TRIM61: variants seen among roughly 807,000 people sequenced by gnomAD.
TRIM61 encodes tripartite motif containing 61.
A neutral mutation model predicts 14.2 loss-of-function variants in TRIM61; 1 was observed. That is an observed-to-expected ratio of 0.07 (90% CI 0.03 to 0.33). The LOEUF is 0.33. Ranked by LOEUF, TRIM61 falls within the 10% of genes least tolerant of loss-of-function variation. The pLI, the probability that TRIM61 is intolerant of heterozygous loss-of-function variation, is 0.99. For synonymous variants in TRIM61, 8 were observed against 71.6 expected, an observed-to-expected ratio of 0.11 and a Z score of 4.49; for missense variants, 19 against 202.2, an observed-to-expected ratio of 0.09 and a Z score of 5.49.
intron 3 of TRIM61, among the ~76,000 whole-genome samples, chr4:164,967,589 CAG>C (rs1732270715): frequency 6.6e-6 from 1 of 151,982 alleles, no homozygotes; most frequent in Non-Finnish European, 1.5e-5. Flanking sequence ...GTGTGTGTGG[CAG>C]AGGAGGATGT....
chr4:164,975,965 T>C (rs912621939), intron 2 of TRIM61, among the ~76,000 whole-genome samples: 1 of 152,180 alleles, frequency 6.6e-6, no homozygotes, highest in Admixed American at 6.5e-5. Context: ...AACCGCCCTA[T>C]GGTGGGAGGC....
At chr4:164,961,950 T>C (rs1186770242) in intron 3 of TRIM61, among the ~76,000 whole-genome samples, 5 of 152,214 alleles carry the variant, frequency 3.3e-5, no homozygotes, top group Admixed American at 3.3e-4. Flanking sequence ...GTAAGCTACA[T>C]AGTACAGCTG....
chr4:164,973,230 C>T (rs1306566305), intron 2 of TRIM61, among the ~76,000 whole-genome samples: 1 of 152,116 alleles, frequency 6.6e-6, no homozygotes, highest in Non-Finnish European at 1.5e-5. Flanking sequence ...AGCTATTATC[C>T]TCAATTAGAG....
chr4:164,958,153 T>C (rs1031567012), intron 3 of TRIM61: 2 of 167,078 alleles, frequency 1.2e-5, no homozygotes, highest in Admixed American at 1.3e-4. Context: ...ATAATAGAGT[T>C]GTTTGTTAGA....
At chr4:164,968,896 G>A in intron 3 of TRIM61, 2 of 990,322 alleles carry the variant, frequency 2.0e-6, no homozygotes, top group Non-Finnish European at 2.4e-6. Context: ...TGGGAAGACA[G>A]TCATTACAGA....
intron 3 of TRIM61, among the ~76,000 whole-genome samples, chr4:164,956,240 A>AT (rs1315123808): frequency 8.5e-5 from 13 of 152,064 alleles, no homozygotes; most frequent in African/African-American, 2.9e-4. Flanking sequence ...TAATTTTTGT[A>AT]TTTTTTGTAC....
chr4:164,957,183 A>G (rs3733418), intron 3 of TRIM61: 285,424 of 1,612,466 alleles, frequency 0.18, 32,044 homozygotes, highest in East Asian at 0.6. Flanking sequence ...GGCGGCCGCC[A>G]TGGCAGTGTC....
intron 3 of TRIM61, among the ~76,000 whole-genome samples, chr4:164,960,889 CGTA>C (rs2111135141): frequency 6.6e-6 from 1 of 151,496 alleles, no homozygotes; most frequent in Non-Finnish European, 1.5e-5. Context: ...AAGCGGAGGT[CGTA>C]GTGAGCCAAG....
intron 3 of TRIM61, among the ~76,000 whole-genome samples, chr4:164,960,197 A>G (rs900706998): frequency 2.0e-5 from 3 of 151,972 alleles, no homozygotes; most frequent in African/African-American, 4.8e-5. Flanking sequence ...GAACAAACCA[A>G]TCCTGCCAAC....
At chr4:164,960,304 C>T (rs183990935) in intron 3 of TRIM61, among the ~76,000 whole-genome samples, 1 of 151,886 alleles carries the variant, frequency 6.6e-6, no homozygotes, top group South Asian at 2.1e-4. Flanking sequence ...CATCACTTTT[C>T]GAGGCCGAGG....
In TRIM61 at chr4:164,954,983, C is replaced by T. The variant is rs1167728858; in HGVS notation, c.*9G>A. The T allele has an allele frequency of 3.3e-6, 1 of 307,132 alleles. No individual in the cohort carries two copies. Among genetic ancestry groups the T allele is most frequent in the Non-Finnish European group, 6.7e-6 (1 of 150,226 alleles). The allele number at this position is 307,132 out of a possible 1,614,324, so 19.0% of individuals were successfully genotyped here. A position where few individuals can be genotyped will look rare whatever the true frequency, so the allele number is the denominator to read the frequency against. ...GGGCATGGTGGAGGGCACCTGTAGT[C>T]CCAGCTACTCAGGAGCCAGAGGCAG... On this transcript the variant is annotated 3_prime_UTR_variant, in exon 4 of 5. Coordinates refer to ENST00000329314, the MANE Select transcript of TRIM61 (RefSeq NM_001012414.3).
chr4:164,963,364 A>G (rs969973283), intron 3 of TRIM61, among the ~76,000 whole-genome samples: 4 of 152,198 alleles, frequency 2.6e-5, no homozygotes, highest in African/African-American at 9.7e-5. Flanking sequence ...GAGAACGCAA[A>G]ATAAGCATTC....
chr4:164,961,832 T>C (rs1156570946), intron 3 of TRIM61, among the ~76,000 whole-genome samples: 4 of 152,222 alleles, frequency 2.6e-5, no homozygotes, highest in Admixed American at 1.3e-4. Flanking sequence ...ACGTTAACTA[T>C]AGGAATATGG....
chr4:164,961,358 C>T (rs1208906943), intron 3 of TRIM61, among the ~76,000 whole-genome samples: 1 of 151,528 alleles, frequency 6.6e-6, no homozygotes, highest in African/African-American at 2.4e-5. Flanking sequence ...CTTCAATGGG[C>T]TCATTAGTAC....
At chr4:164,973,275 C>A (rs1288952658) in intron 2 of TRIM61, among the ~76,000 whole-genome samples, 1 of 152,204 alleles carries the variant, frequency 6.6e-6, no homozygotes, top group Non-Finnish European at 1.5e-5. Context: ...GCGGAGTCTA[C>A]AAGAATTTGA....
chr4:164,954,702 C>T lies in TRIM61; in HGVS notation c.*83G>A, dbSNP rs1315521996. On this transcript the variant is annotated 3_prime_UTR_variant, in exon 5 of 5. Transcript: ENST00000329314. The stretch of plus-strand genomic sequence containing the variant: ...TGGCAGCATGGCTATAATCCCAGCA[C>T]TTTGGGAGGTCAAGGCAGGAAGATC... 6.5e-6 allele frequency: 1 copy of T among 153,178 alleles called. No homozygotes were observed. The highest frequency in any genetic ancestry group is 2.4e-5 in the African/African-American group (1 of 41,446). The allele number at this position is 153,178 out of a possible 1,614,324, so 9.5% of individuals were successfully genotyped here. A position where few individuals can be genotyped will look rare whatever the true frequency, so the allele number is the denominator to read the frequency against.
At chr4:164,977,059 T>G (rs1732497839) in intron 1 of TRIM61, among the ~76,000 whole-genome samples, 1 of 152,158 alleles carries the variant, frequency 6.6e-6, no homozygotes, top group Non-Finnish European at 1.5e-5. Context: ...TCAACCATCA[T>G]CATACTGGCT....
At chr4:164,975,196 C>T (rs991269961) in intron 2 of TRIM61, among the ~76,000 whole-genome samples, 3 of 150,682 alleles carry the variant, frequency 2.0e-5, no homozygotes, top group African/African-American at 7.3e-5. Flanking sequence ...CGCCATTGCA[C>T]TCCAGCCTGG....
rs1256368910 is a variant in TRIM61, at chr4:164,957,354, TGCCA to T, written c.526-2262_526-2259del. 7 of 1,613,776 alleles carry T rather than the reference TGCCA, an allele frequency of 4.3e-6. No homozygotes were observed. The East Asian group carries it at 1.3e-4, about 31-fold the overall frequency. ...ATTCCGGCTGTCACGCCACCGAAAT[TGCCA>T]GGCCACTCCAAGTCAGAAGGACCAC... On this transcript the variant is annotated intron_variant, in intron 3 of 4. Transcript: ENST00000329314.
Sources: gnomAD v4.1 joint callset for allele counts (sites outside exome capture counted in the v4.1 genomes callset) on GRCh38, gnomAD v4.1.1 for gene constraint, MANE v1.5 for transcripts, NCBI Gene and HGNC (gene_info 2026-07-23, HGNC 2026-07-21) for gene names.